Variants in GREB1 observed in about 807,000 individuals in gnomAD.
The protein encoded by GREB1 is protein GREB1.
GREB1 carries 106 observed loss-of-function variants against 200.7 expected under a neutral mutation model. The ratio of observed to expected loss-of-function variants is 0.53; its 90% CI spans 0.45 to 0.62. The LOEUF (loss-of-function observed/expected upper bound fraction) is 0.62. GREB1 is among the 20% of genes least tolerant of loss of function. The pLI, the probability that GREB1 is intolerant of heterozygous loss-of-function variation, is 0.00. For synonymous variants in GREB1, 1,132 were observed against 1,092.4 expected, an observed-to-expected ratio of 1.04 and a Z score of -0.72; for missense variants, 2,243 against 2,556.8, an observed-to-expected ratio of 0.88 and a Z score of 2.65.
At chr2:11,554,863 A>T (rs1280527832) in intron 1 of GREB1, among the ~76,000 whole-genome samples, 1 of 152,240 alleles carries the variant, frequency 6.6e-6, no homozygotes, top group African/African-American at 2.4e-5. Flanking sequence ...CACAGTCTTG[A>T]TTATAATCTA....
chr2:11,616,570 G>T, intron 20 of GREB1, 61 bp from the exon 21 acceptor site: 1 of 1,018,310 alleles, frequency 9.8e-7, no homozygotes, highest in Non-Finnish European at 1.6e-6. Context: ...ACTGTGAAGT[G>T]CTGGGCAAAT....
intron 1 of GREB1, 64 bp from the exon 2 acceptor site, chr2:11,556,390 G>T: frequency 4.8e-6 from 2 of 413,176 alleles, no homozygotes; most frequent in South Asian, 1.2e-4. Context: ...GAGGTGTCAG[G>T]CTCTGCTGAG....
rs1235407879 is a variant in GREB1 at position 11,634,229 on chromosome 2, G to A, written c.5090G>A (p.Arg1697Gln). ...DIMHYALLGL[R>Q]KWSSKTRASE... ...ATGCACTACGCCCTGCTGGGCCTGC[G>A]GAAGTGGTCCAGCAAGACCCGGGCC... Residue 1697 changes from arginine to glutamine, a missense_variant, in exon 29 of 33, where the codon CGG (arginine) becomes CAG (glutamine). Arg to Gln is a conservative substitution (Grantham distance 43). Transcript: ENST00000381486. 7.4e-6 allele frequency: 12 copies of A among 1,614,200 alleles called. 1 individual carries two copies. Among genetic ancestry groups the A allele is most frequent in the African/African-American group, 1.3e-5 (1 of 75,070 alleles).
chr2:11,600,742 C>A, intron 15 of GREB1, 58 bp from the exon 16 acceptor site: 1 of 1,425,514 alleles, frequency 7.0e-7, no homozygotes, highest in Non-Finnish European at 9.9e-7. Flanking sequence ...ACTGCTTCAC[C>A]TTGCAAAATT....
chr2:11,498,054 G>C (rs761940120), intron 1 of GREB1, among the ~76,000 whole-genome samples: 8 of 121,928 alleles, frequency 6.6e-5, no homozygotes, highest in Non-Finnish European at 3.2e-5. Flanking sequence ...GGAATGCAGT[G>C]TCATGAACAC....
rs757818962 is a variant in GREB1, at chr2:11,595,216, T to C, written c.1697-35T>C. 11 of 1,589,506 alleles carry C rather than the reference T, an allele frequency of 6.9e-6. No homozygotes were observed. The African/African-American group carries it at 1.3e-4, about 19-fold the overall frequency. ...CTACACAGCCCGTAAGCAGGGAAGA[T>C]ACAATGGGTACTGTGAAATCTGTTT... On this transcript the variant is annotated intron_variant, in intron 11 of 32. Coordinates refer to ENST00000381486, the MANE Select transcript of GREB1 (RefSeq NM_014668.4).
intron 1 of GREB1, among the ~76,000 whole-genome samples, chr2:11,520,703 T>C (rs191179703): frequency 3.9e-5 from 6 of 152,320 alleles, no homozygotes; most frequent in African/African-American, 1.2e-4. Context: ...GTGATTAGAT[T>C]GTGCTCCCCA....
chr2:11,583,836 G>A (rs1354396795), intron 7 of GREB1, among the ~76,000 whole-genome samples: 1 of 148,458 alleles, frequency 6.7e-6, no homozygotes, highest in Non-Finnish European at 1.5e-5. Flanking sequence ...TCCAGCCTGG[G>A]CAACAAGAGC....
At chr2:11,612,309 A>G in intron 18 of GREB1, 186 bp from the exon 19 acceptor site, 2 of 1,326,416 alleles carry the variant, frequency 1.5e-6, no homozygotes, top group Non-Finnish European at 1.9e-6. Flanking sequence ...TCCATGTTCT[A>G]GCCGACTGAA....
intron 19 of GREB1, 129 bp downstream of exon 19, chr2:11,612,739 G>C: frequency 1.6e-6 from 1 of 609,222 alleles, no homozygotes; most frequent in Non-Finnish European, 3.0e-6. Context: ...AGGCCCCGTG[G>C]GTGGGGCCTT....
Position 11,587,737 on chromosome 2 carries a change from A to ACGCGCGCG in GREB1, c.1160-1008_1160-1007insGCGCGCGC. ...CACACACACACACACACACACACAC[A>ACGCGCGCG]CACACGCCACCTTTGGGAGCTCAGC... On this transcript the variant is annotated intron_variant, in intron 9 of 32. Coordinates refer to ENST00000381486, the MANE Select transcript of GREB1 (RefSeq NM_014668.4). 3 of 734,180 alleles carry ACGCGCGCG rather than the reference A, an allele frequency of 4.1e-6. No homozygotes were observed. The South Asian group carries it at 1.4e-4, about 34-fold the overall frequency. 45.5% of individuals were successfully genotyped at this position (734,180 alleles called of 1,614,324 possible).
chr2:11,614,181 C>T lies in GREB1; in HGVS notation c.3123-910C>T, dbSNP rs544305767. ...TCACTCTGTTGCCCAGGCTGGAGTG[C>T]AGTGGTGCAATCTCAACTCACTGCA... On this transcript the variant is annotated intron_variant, in intron 19 of 32. Transcript: ENST00000381486. 7.8e-4 allele frequency among the ~76,000 whole-genome samples: 114 copies of T among 145,344 alleles called. No individual in the cohort carries two copies. In the Middle Eastern group the frequency reaches 0.016, roughly 20 times the overall value.
In GREB1 at chr2:11,588,697, G is replaced by A. The variant is rs369800794; in HGVS notation, c.1160-49G>A. The A allele has an allele frequency of 2.0e-4, 316 of 1,545,616 alleles. 1 individual carries two copies. Among genetic ancestry groups the A allele is most frequent in the African/African-American group, 8.3e-4 (61 of 73,688 alleles). On this transcript the variant is annotated intron_variant, in intron 9 of 32. Coordinates refer to ENST00000381486, the MANE Select transcript of GREB1 (RefSeq NM_014668.4). ...CCAGAGAACCCACATGTATGGGACC[G>A]TAAGCTGTGCACAAGACTGGGTGCC...
At chr2:11,635,839 C>T (rs1685271452) in intron 30 of GREB1, among the ~76,000 whole-genome samples, 2 of 152,182 alleles carry the variant, frequency 1.3e-5, no homozygotes, top group Admixed American at 1.3e-4. Flanking sequence ...ATGTGTGTTC[C>T]AGCTGAGCAG....
chr2:11,597,787 A>T lies in GREB1; in HGVS notation c.1961A>T (p.Asn654Ile). ...VSGTPVCTSY[N>I]LEPHSIRPFQ... ...CCTGGGGCTCTGGTTCCAGGTTACA[A>T]TCTGGAGCCACACAGCATCCGGCCC... Residue 654 changes from asparagine (N) to isoleucine (I), a missense_variant, in exon 14 of 33, where the codon AAT becomes ATT. Asn to Ile is a moderately radical substitution (Grantham distance 149, BLOSUM62 -3). Coordinates refer to ENST00000381486, the MANE Select transcript of GREB1 (RefSeq NM_014668.4). This position sits in a 1 kb window ranked among gnomAD's most constrained non-coding sequence, Gnocchi z 4.1. 2 of 1,614,120 alleles carry T rather than the reference A, an allele frequency of 1.2e-6. No individual in the cohort carries two copies. Among genetic ancestry groups the T allele is most frequent in the Non-Finnish European group, 1.7e-6 (2 of 1,180,002 alleles).
At chr2:11,526,563 T>G (rs1018266950) in intron 1 of GREB1, among the ~76,000 whole-genome samples, 4 of 151,972 alleles carry the variant, frequency 2.6e-5, no homozygotes, top group Non-Finnish European at 4.4e-5. Context: ...ATCCTTTTTT[T>G]TTTTTTTTTA....
At position 11,631,382 on chromosome 2, in the gene GREB1, G is replaced by C. The variant is rs547941707; in HGVS notation, c.4612-527G>C. Among the ~76,000 whole-genome samples the C allele has an allele frequency of 9.3e-4, 142 of 152,312 alleles. 2 individuals are homozygous for C. Among genetic ancestry groups the C allele is most frequent in the African/African-American group, 3.3e-3 (137 of 41,564 alleles). On this transcript the variant is annotated intron_variant, in intron 26 of 32. Transcript: ENST00000381486. ...ACATACAAGAATAATGTGTGCTCTG[G>C]GCACAATATTAGATTCTAATATGAG...
At chr2:11,564,253 T>C (rs1414422182) in intron 3 of GREB1, among the ~76,000 whole-genome samples, 1 of 152,106 alleles carries the variant, frequency 6.6e-6, no homozygotes, top group Non-Finnish European at 1.5e-5. Context: ...CTGAGCATGA[T>C]GACTGGGAGG....
chr2:11,592,329 A>G (rs1469268630), intron 10 of GREB1, among the ~76,000 whole-genome samples: 1 of 136,232 alleles, frequency 7.3e-6, no homozygotes, highest in Non-Finnish European at 1.6e-5. Context: ...GCAAAGTAAG[A>G]TTTTTTTTTT....
Sources: allele counts gnomAD v4.1 joint callset (sites outside exome capture counted in the v4.1 genomes callset), GRCh38; gene constraint gnomAD v4.1.1; non-coding constraint Gnocchi (gnomAD v3.1); transcripts MANE v1.5; gene names NCBI Gene and HGNC (gene_info 2026-07-23, HGNC 2026-07-21).